Variants in ABCB1 observed in about 807,000 individuals in gnomAD.
ABCB1 encodes ATP binding cassette subfamily B member 1, also known as ATP-dependent translocase ABCB1.
Under a neutral mutation model 142.0 loss-of-function variants are expected in ABCB1, and 69 were observed. The ratio of observed to expected loss-of-function variants is 0.49; its 90% CI spans 0.40 to 0.59. The LOEUF (loss-of-function observed/expected upper bound fraction) is 0.59. ABCB1 is among the 20% of genes least tolerant of loss of function. The probability of loss-of-function intolerance (pLI) is 0.00; values close to 1 mark genes in which losing one functional copy is unlikely to be tolerated. For missense variants in ABCB1, 1,326 were observed against 1,554.7 expected (o/e 0.85, Z 2.47); for synonymous variants, 532 against 539.2 (o/e 0.99, Z 0.18).
chr7:87,709,303 G>A, intron 1 of ABCB1: 1 of 985,208 alleles, frequency 1.0e-6, no homozygotes, highest in Non-Finnish European at 1.2e-6. Flanking sequence ...TGAAATTGTA[G>A]CCTTTTGATT....
At chr7:87,602,650 T>A (rs28381795), upstream of ABCB1, among the ~76,000 whole-genome samples, 2,106 of 152,294 alleles carry the variant, frequency 0.014, 45 homozygotes, top group African/African-American at 0.048. Context: ...ATGTTGATTA[T>A]ACTATTTCTA....
chr7:87,553,294 C>T (rs970265955), intron 9 of ABCB1, among the ~76,000 whole-genome samples: 4 of 147,572 alleles, frequency 2.7e-5, no homozygotes, highest in African/African-American at 5.0e-5. Context: ...AACTGGTTGT[C>T]GGATGCATCT....
intron 1 of ABCB1, among the ~76,000 whole-genome samples, chr7:87,626,200 G>T (rs867974421): frequency 8.3e-5 from 8 of 96,378 alleles, no homozygotes; most frequent in Non-Finnish European, 1.5e-4. Flanking sequence ...TCATATATAT[G>T]TCATATATAT....
At chr7:87,540,680 C>T (rs1167080925) in intron 18 of ABCB1, among the ~76,000 whole-genome samples, 1 of 152,146 alleles carries the variant, frequency 6.6e-6, no homozygotes, top group Non-Finnish European at 1.5e-5. Context: ...AAACTCCTGA[C>T]CTCAGGTGAT....
rs979702224 is a variant in ABCB1, at chr7:87,653,824, G to T, written c.-330-52746C>A. On this transcript the variant is annotated intron_variant, in intron 1 of 28. Transcript: ENST00000265724. ...TAGTCTTCTGGCTTACCACTGATTTGTTAGTATTGCTCTTAAAAATCTGGT... is the reference window on the plus strand; with the variant it reads ...TAGTCTTCTGGCTTACCACTGATTTTTTAGTATTGCTCTTAAAAATCTGGT... Among the ~76,000 whole-genome samples the T allele has an allele frequency of 2.0e-4, 30 of 151,956 alleles. No homozygotes were observed. In the East Asian group the frequency reaches 2.1e-3, roughly 11 times the overall value.
chr7:87,536,508 T>C lies in ABCB1; in HGVS notation c.2431A>G (p.Thr811Ala). The C allele has an allele frequency of 6.2e-7, 1 of 1,613,956 alleles. No individual in the cohort carries two copies. The highest frequency in any genetic ancestry group is 8.5e-7 in the Non-Finnish European group (1 of 1,179,882). ...VSWFDDPKNT[T>A]GALTTRLAND... is the part of the protein sequence containing the mutation. ...GCGAGCCTGGTAGTCAATGCTCCAG[T>C]GGTGTTTTTAGGGTCATCAAACCAA... Residue 811 changes from threonine to alanine, a missense_variant, in exon 20 of 28, where the codon ACT becomes GCT. Thr to Ala is a moderately conservative substitution (Grantham distance 58). Coordinates refer to ENST00000622132, the MANE Select transcript of ABCB1 (RefSeq NM_001348946.2).
At chr7:87,540,896 T>G (rs138314958) in intron 18 of ABCB1, among the ~76,000 whole-genome samples, 2 of 152,228 alleles carry the variant, frequency 1.3e-5, no homozygotes, top group Non-Finnish European at 2.9e-5. Flanking sequence ...AATGATTCTT[T>G]CTCCTTGAAC....
rs1817029814 is a variant in ABCB1, at chr7:87,550,799, G to A, written c.1039C>T (p.Gln347Ter). 1 of 1,613,316 alleles carries A rather than the reference G, an allele frequency of 6.2e-7. No homozygotes were observed. Among genetic ancestry groups the A allele is most frequent in the Non-Finnish European group, 8.5e-7 (1 of 1,179,416 alleles). Residue 347 changes from glutamine (Q) to a stop codon, truncating the protein, a stop_gained, in exon 10 of 28, where the codon CAG becomes TAG. Coordinates refer to ENST00000622132, the MANE Select transcript of ABCB1 (RefSeq NM_001348946.2). LOFTEE classifies it high-confidence loss of function. Reference sequence around the variant, plus strand: ...AATGCTTCAATGCTTGGAGATGCCTGTCCAACACTAAAAGCCCCAATTAAT... The same window carrying A: ...AATGCTTCAATGCTTGGAGATGCCTATCCAACACTAAAAGCCCCAATTAAT... ...SVLIGAFSVG[Q>*]ASPSIEAFAN...
chr7:87,670,110 A>G (rs1825680635), intron 1 of ABCB1, among the ~76,000 whole-genome samples: 1 of 152,136 alleles, frequency 6.6e-6, no homozygotes, highest in African/African-American at 2.4e-5. Flanking sequence ...AATGCCAGTG[A>G]TTTGTAGATT....
chr7:87,706,270 G>A (rs990569583), intron 1 of ABCB1, among the ~76,000 whole-genome samples: 1 of 152,116 alleles, frequency 6.6e-6, no homozygotes, highest in African/African-American at 2.4e-5. Flanking sequence ...CAGTGCAGTG[G>A]GGGAGCTACT....
rs768893111 is a variant in ABCB1 at position 87,536,453 on chromosome 7, C to T, written c.2481+5G>A. On this transcript the variant is annotated splice_donor_5th_base_variant and intron_variant, in intron 20 of 27. Transcript: ENST00000622132. ...GACAAACACCAGTAGAAAGGAGGCACGTACCCCTTTAACTTGAGCAGCATC... is the reference window on the plus strand; with the variant it reads ...GACAAACACCAGTAGAAAGGAGGCATGTACCCCTTTAACTTGAGCAGCATC... The T allele has an allele frequency of 1.2e-6, 2 of 1,613,720 alleles. No individual in the cohort carries two copies. Among genetic ancestry groups the T allele is most frequent in the Non-Finnish European group, 1.7e-6 (2 of 1,179,698 alleles).
At chr7:87,524,599 G>GTAGA (rs1243020425) in intron 21 of ABCB1, among the ~76,000 whole-genome samples, 1 of 152,038 alleles carries the variant, frequency 6.6e-6, no homozygotes, top group Middle Eastern at 3.2e-3. Flanking sequence ...TAGAGGGAAG[G>GTAGA]GGGGAGGGAT....
intron 1 of ABCB1, chr7:87,693,853 TGATG>T: frequency 6.4e-7 from 1 of 1,572,954 alleles, no homozygotes. Context: ...ACTGTAAACA[TGATG>T]GCAGGTTTCT....
intron 1 of ABCB1, among the ~76,000 whole-genome samples, chr7:87,624,983 G>A (rs1448553202): frequency 6.6e-6 from 1 of 152,224 alleles, no homozygotes; most frequent in African/African-American, 2.4e-5. Context: ...ATGGCTGGGC[G>A]CGGCGGCTCA....
rs778899617 is a variant in ABCB1 at position 87,619,746 on chromosome 7, ATGTG to A, written c.-330-18672_-330-18669del. On this transcript the variant is annotated intron_variant, in intron 1 of 28. Transcript: ENST00000265724. Reference sequence around the variant, plus strand: ...TTTATATATACACACACACAAACACATGTGTGTGTGTGTGTGTGTATATATATAT... The same window carrying A: ...TTTATATATACACACACACAAACACATGTGTGTGTGTGTGTATATATATAT... Among the ~76,000 whole-genome samples the A allele has an allele frequency of 5.4e-4, 79 of 146,040 alleles. 1 individual carries two copies. Among genetic ancestry groups the A allele is most frequent in the African/African-American group, 1.8e-3 (69 of 38,094 alleles).
chr7:87,535,619 T>C (rs571016147), intron 20 of ABCB1, among the ~76,000 whole-genome samples: 7 of 152,202 alleles, frequency 4.6e-5, no homozygotes, highest in African/African-American at 1.7e-4. Context: ...TTCCAAACAA[T>C]AGAAAAAGAG....
At chr7:87,616,071 T>G (rs1406983970) in intron 1 of ABCB1, among the ~76,000 whole-genome samples, 1 of 152,200 alleles carries the variant, frequency 6.6e-6, no homozygotes, top group Non-Finnish European at 1.5e-5. Context: ...TAAGGTAGAT[T>G]TTAACATAAA....
chr7:87,620,618 G>A (rs566689449), intron 1 of ABCB1, among the ~76,000 whole-genome samples: 3 of 152,146 alleles, frequency 2.0e-5, no homozygotes, highest in East Asian at 3.9e-4. Flanking sequence ...AGAGATTTAC[G>A]TGTTGTTCCA....
At chr7:87,702,136 C>A (rs1829116612) in intron 1 of ABCB1, among the ~76,000 whole-genome samples, 1 of 73,836 alleles carries the variant, frequency 1.4e-5, no homozygotes, top group Non-Finnish European at 2.1e-5. Context: ...GAGCGAGACT[C>A]TGTCTCAAAA....
Sources: gnomAD v4.1 joint callset for allele counts (sites outside exome capture counted in the v4.1 genomes callset) on GRCh38, gnomAD v4.1.1 for gene constraint, MANE v1.5 for transcripts, NCBI Gene and HGNC (gene_info 2026-07-23, HGNC 2026-07-21) for gene names.